Variants in SLC12A8 observed in about 807,000 individuals in gnomAD.
SLC12A8 encodes the protein cation-chloride cotransporter 9.
Under a neutral mutation model 75.6 loss-of-function variants are expected in SLC12A8, and 69 were observed. That is an observed-to-expected ratio of 0.91 (90% confidence interval 0.75 to 1.11). The LOEUF (loss-of-function observed/expected upper bound fraction) is 1.11. SLC12A8 is among the 50% of genes most tolerant of loss of function. SLC12A8 has a pLI of 0.00. For synonymous variants in SLC12A8, 365 were observed against 372.8 expected, an observed-to-expected ratio of 0.98 and a Z score of 0.24; for missense variants, 877 against 896.7, an observed-to-expected ratio of 0.98 and a Z score of 0.28.
intron 5 of SLC12A8, among the ~76,000 whole-genome samples, chr3:125,158,252 G>A (rs771908444): frequency 6.7e-6 from 1 of 149,626 alleles, no homozygotes; most frequent in African/African-American, 2.5e-5. Context: ...ACAGAGTCTC[G>A]CTCTGTCACC....
In SLC12A8 at chr3:125,203,088, C is replaced by CAAAAA. The variant is rs758212012; in HGVS notation, c.51+8206_51+8210dup. On this transcript the variant is annotated intron_variant, in intron 2 of 13. Transcript: ENST00000469902. ...GGGGGACAAGAGCGAGACTTCATCT[C>CAAAAA]AAAAAAAAAAAAAAAAAAAAAGAAT... Among the ~76,000 whole-genome samples the CAAAAA allele has an allele frequency of 7.4e-4, 65 of 88,422 alleles. 3 individuals are homozygous for CAAAAA. The highest frequency in any genetic ancestry group is 2.5e-3 in the African/African-American group (51 of 20,744). 58.0% of individuals were successfully genotyped at this position (88,422 alleles called of 152,430 possible). A position where few individuals can be genotyped will look rare whatever the true frequency, so the allele number is the denominator to read the frequency against.
chr3:125,182,160 A>T (rs1934679008), intron 4 of SLC12A8, among the ~76,000 whole-genome samples: 1 of 152,166 alleles, frequency 6.6e-6, no homozygotes, highest in Non-Finnish European at 1.5e-5. Flanking sequence ...CTTTGTCTCT[A>T]CAAAAATAAT....
chr3:125,209,185 G>A (rs1003939552), intron 2 of SLC12A8, among the ~76,000 whole-genome samples: 17 of 152,248 alleles, frequency 1.1e-4, no homozygotes, highest in African/African-American at 2.9e-4. Flanking sequence ...CTGTTCCCAC[G>A]CAGAGGTCCT....
chr3:125,181,857 A>G (rs964044897), intron 4 of SLC12A8, among the ~76,000 whole-genome samples: 1 of 152,094 alleles, frequency 6.6e-6, no homozygotes, highest in Non-Finnish European at 1.5e-5. Context: ...AATATAGACT[A>G]TTAGGAAAAA....
intron 5 of SLC12A8, among the ~76,000 whole-genome samples, chr3:125,152,306 A>G (rs560712294): frequency 2.4e-4 from 37 of 152,374 alleles, no homozygotes; most frequent in African/African-American, 8.9e-4. Flanking sequence ...CAGGAGCTTC[A>G]GAATGTACCA....
intron 2 of SLC12A8, among the ~76,000 whole-genome samples, chr3:125,210,896 C>T (rs777871021): frequency 1.3e-5 from 2 of 152,050 alleles, no homozygotes; most frequent in South Asian, 4.1e-4. Context: ...TAGCAAACAC[C>T]AGGGCATTCA....
At chr3:125,103,078 G>A (rs914204508) in intron 10 of SLC12A8, among the ~76,000 whole-genome samples, 1 of 152,154 alleles carries the variant, frequency 6.6e-6, no homozygotes, top group Non-Finnish European at 1.5e-5. Context: ...CCTCAAGGGG[G>A]CTTTCCTTTG....
At chr3:125,145,413 G>A (rs1933748948) in intron 5 of SLC12A8, among the ~76,000 whole-genome samples, 1 of 152,192 alleles carries the variant, frequency 6.6e-6, no homozygotes, top group African/African-American at 2.4e-5. Flanking sequence ...TCCATCCACA[G>A]ATGAATGGAT....
At chr3:125,180,615 C>T (rs111991413) in intron 4 of SLC12A8, among the ~76,000 whole-genome samples, 164 of 152,166 alleles carry the variant, frequency 1.1e-3, no homozygotes, top group African/African-American at 3.5e-3. Context: ...CCCTTGAACC[C>T]GGGAGACAGA....
intron 8 of SLC12A8, among the ~76,000 whole-genome samples, chr3:125,118,189 G>A (rs1056845279): frequency 6.6e-6 from 1 of 152,262 alleles, no homozygotes; most frequent in Non-Finnish European, 1.5e-5. Flanking sequence ...GACAGGAAGA[G>A]ATGTCCCCAT....
chr3:125,110,170 A>G lies in SLC12A8; in HGVS notation c.1059+19T>C, dbSNP rs764137576. 3 of 1,600,910 alleles carry G rather than the reference A, an allele frequency of 1.9e-6. No homozygotes were observed. The highest frequency in any genetic ancestry group is 1.1e-5 in the South Asian group (1 of 90,058). ...AAAACATGTTTCAAAAAACAAACCA[A>G]AAAAAGAGGATTACTCACCCCTTGT... On this transcript the variant is annotated intron_variant, in intron 9 of 13. Coordinates refer to ENST00000469902, the MANE Select transcript of SLC12A8 (RefSeq NM_024628.6).
intron 10 of SLC12A8, among the ~76,000 whole-genome samples, chr3:125,095,135 T>A (rs1169364400): frequency 6.6e-6 from 1 of 152,224 alleles, no homozygotes; most frequent in African/African-American, 2.4e-5. Flanking sequence ...ATGCTACTGA[T>A]ATATTGATGA....
intron 5 of SLC12A8, among the ~76,000 whole-genome samples, chr3:125,139,342 T>C (rs965351777): frequency 6.6e-6 from 1 of 152,226 alleles, no homozygotes; most frequent in Non-Finnish European, 1.5e-5. Flanking sequence ...CCAAGCGCAC[T>C]GAGGCAGGGC....
chr3:125,130,577 G>A (rs1933325819), intron 6 of SLC12A8, among the ~76,000 whole-genome samples: 1 of 148,202 alleles, frequency 6.7e-6, no homozygotes, highest in Admixed American at 6.8e-5. Context: ...GGGTGACAGA[G>A]CGAGACCCTG....
chr3:125,182,704 C>T (rs776144099), intron 4 of SLC12A8, among the ~76,000 whole-genome samples: 1 of 152,116 alleles, frequency 6.6e-6, no homozygotes, highest in African/African-American at 2.4e-5. Flanking sequence ...GACAGGGTTT[C>T]ACCATATCGG....
intron 6 of SLC12A8, among the ~76,000 whole-genome samples, 182 bp downstream of exon 6, chr3:125,135,487 C>T (rs190393308): frequency 5.5e-4 from 84 of 152,100 alleles, no homozygotes; most frequent in Non-Finnish European, 1.1e-3. Context: ...ATAGTGAGAC[C>T]CTGTCTCTAC....
At chr3:125,142,027 C>G (rs997999273) in intron 5 of SLC12A8, among the ~76,000 whole-genome samples, 2 of 152,170 alleles carry the variant, frequency 1.3e-5, no homozygotes, top group South Asian at 2.1e-4. Flanking sequence ...AGGAAGTGGG[C>G]GCGGCGCGCA....
chr3:125,188,526 G>A (rs1301573812), intron 3 of SLC12A8, among the ~76,000 whole-genome samples: 1 of 152,178 alleles, frequency 6.6e-6, no homozygotes, highest in Non-Finnish European at 1.5e-5. Context: ...TGCATGGCTG[G>A]AGATGAACAC....
chr3:125,178,653 A>G (rs1488752390), intron 4 of SLC12A8, among the ~76,000 whole-genome samples: 2 of 152,234 alleles, frequency 1.3e-5, no homozygotes, highest in East Asian at 3.8e-4. Flanking sequence ...ATATAACCCA[A>G]AAGATTAGGA....
Sources: allele counts gnomAD v4.1 joint callset (sites outside exome capture counted in the v4.1 genomes callset), GRCh38; gene constraint gnomAD v4.1.1; transcripts MANE v1.5; gene names NCBI Gene and HGNC (gene_info 2026-07-23, HGNC 2026-07-21).